MTFMT: variants seen among roughly 807,000 people sequenced by gnomAD.
MTFMT encodes the protein mitochondrial methionyl-tRNA formyltransferase, also known as methionyl-tRNA formyltransferase, mitochondrial.
MTFMT carries 47 observed loss-of-function variants against 51.8 expected under a neutral mutation model. The ratio of observed to expected loss-of-function variants is 0.91; its 90% CI spans 0.72 to 1.16. The LOEUF (loss-of-function observed/expected upper bound fraction) is 1.16. Ranked by LOEUF, MTFMT falls within the 50% of genes most tolerant of loss-of-function variation. The probability of loss-of-function intolerance (pLI) is 0.00; values close to 1 mark genes in which losing one functional copy is unlikely to be tolerated. For synonymous variants in MTFMT, 196 were observed against 176.7 expected (o/e 1.11, Z -0.87); for missense variants, 512 against 482.3 (o/e 1.06, Z -0.58).
intron 8 of MTFMT, among the ~76,000 whole-genome samples, chr15:65,003,845 C>CAACAAAAAAAAAAA (rs2086198593): frequency 2.5e-5 from 1 of 40,632 alleles, no homozygotes; most frequent in Admixed American, 4.1e-4. Context: ...AACTCCATCT[C>CAACAAAAAAAAAAA]AAAAAAAAAA....
chr15:65,006,088 A>G (rs373413541), intron 7 of MTFMT, 25 bp downstream of exon 7: 77 of 1,554,102 alleles, frequency 5.0e-5, no homozygotes, highest in Non-Finnish European at 5.1e-5. Flanking sequence ...AACAGCTTCC[A>G]TGTTAGCTAT....
chr15:65,025,230 T>TA (rs776662139), intron 2 of MTFMT, among the ~76,000 whole-genome samples: 34,413 of 92,306 alleles, frequency 0.37, 6,648 homozygotes, highest in East Asian at 0.65. Flanking sequence ...TCCCTGTCTC[T>TA]AAAAAAAAAA....
chr15:65,029,382 C>T (rs1015982235), intron 1 of MTFMT, 23 bp downstream of exon 1: 7 of 1,450,824 alleles, frequency 4.8e-6, no homozygotes, highest in Non-Finnish European at 6.4e-6. Flanking sequence ...GCGGCCGGGT[C>T]CCCGGATCCC....
intron 7 of MTFMT, among the ~76,000 whole-genome samples, chr15:65,005,378 C>T (rs1329472165): frequency 6.6e-6 from 1 of 152,174 alleles, no homozygotes. Flanking sequence ...TCCTTCTGTC[C>T]ACCGTATTGG....
At chr15:65,006,511 G>C (rs2140474477) in intron 6 of MTFMT, among the ~76,000 whole-genome samples, 1 of 151,986 alleles carries the variant, frequency 6.6e-6, no homozygotes, top group South Asian at 2.1e-4. Flanking sequence ...CGAGTAGCTG[G>C]GACTACAGGC....
At chr15:65,016,401 A>G (rs759577478) in intron 6 of MTFMT, 35 bp downstream of exon 6, 6 of 1,315,386 alleles carry the variant, frequency 4.6e-6, no homozygotes, top group East Asian at 2.4e-5. Context: ...TAGAAAACCA[A>G]CTAGGTAGAA....
At chr15:65,016,014 A>T (rs1349017928) in intron 6 of MTFMT, 1 of 153,148 alleles carries the variant, frequency 6.5e-6, no homozygotes, top group East Asian at 1.9e-4. Context: ...CCATATGTAG[A>T]AATCAATGAT....
At chr15:65,003,930 G>C (rs1022607027) in intron 8 of MTFMT, among the ~76,000 whole-genome samples, 6 of 149,936 alleles carry the variant, frequency 4.0e-5, no homozygotes, top group African/African-American at 1.5e-4. Flanking sequence ...CACTGTTCCA[G>C]AATAAGCTGG....
At chr15:65,017,073 T>C (rs1330659044) in intron 5 of MTFMT, among the ~76,000 whole-genome samples, 3 of 147,348 alleles carry the variant, frequency 2.0e-5, no homozygotes, top group Non-Finnish European at 3.0e-5. Flanking sequence ...TGAGCTACCA[T>C]GCCTAGGCAA....
intron 2 of MTFMT, 91 bp downstream of exon 2, chr15:65,026,740 G>A (rs1268273668): frequency 3.1e-6 from 3 of 974,222 alleles, no homozygotes; most frequent in Non-Finnish European, 4.6e-6. Flanking sequence ...ATTACAGAAA[G>A]CATAGAGTTC....
chr15:65,011,078 T>TAG (rs937563584), intron 6 of MTFMT, among the ~76,000 whole-genome samples: 1 of 152,116 alleles, frequency 6.6e-6, no homozygotes, highest in Admixed American at 6.5e-5. Flanking sequence ...TCCCAGCACT[T>TAG]AGGGAGGCTG....
intron 2 of MTFMT, among the ~76,000 whole-genome samples, chr15:65,024,191 T>C (rs2086401145): frequency 1.3e-5 from 2 of 152,246 alleles, no homozygotes; most frequent in South Asian, 2.1e-4. Context: ...CCAGGTGTGG[T>C]GGCGCATGCC....
intron 6 of MTFMT, 89 bp from the exon 7 acceptor site, chr15:65,006,280 T>C (rs2086218790): frequency 1.0e-6 from 1 of 994,578 alleles, no homozygotes; most frequent in South Asian, 1.4e-5. Flanking sequence ...ATCTGGACTT[T>C]TCTTTCAATT....
intron 3 of MTFMT, 54 bp downstream of exon 3, chr15:65,023,616 GCT>G (rs1418304941): frequency 1.3e-6 from 2 of 1,581,710 alleles, no homozygotes; most frequent in South Asian, 1.1e-5. Context: ...CCCCAAACAG[GCT>G]GACATCAACA....
At chr15:65,011,266 G>A (rs984532258) in intron 6 of MTFMT, among the ~76,000 whole-genome samples, 1 of 152,124 alleles carries the variant, frequency 6.6e-6, no homozygotes, top group African/African-American at 2.4e-5. Flanking sequence ...AGGTTGCAAT[G>A]AGCCAAGGTC....
At chr15:65,028,406 C>T (rs2140492483) in intron 1 of MTFMT, among the ~76,000 whole-genome samples, 1 of 152,248 alleles carries the variant, frequency 6.6e-6, no homozygotes, top group Admixed American at 6.5e-5. Context: ...CAGCGCGAGA[C>T]CTCGCCTCAG....
intron 5 of MTFMT, among the ~76,000 whole-genome samples, chr15:65,017,091 T>TA (rs68058563): frequency 1.1e-4 from 16 of 140,336 alleles, no homozygotes; most frequent in East Asian, 4.0e-4. Context: ...CAAAATAAAT[T>TA]AAAAAAAAAA....
rs398027674 is a variant in MTFMT at position 65,002,962 on chromosome 15, CAAAAA to C, written c.*95_*99del. On this transcript the variant is annotated 3_prime_UTR_variant, in exon 9 of 9. Transcript: ENST00000220058. Reference sequence around the variant, plus strand: ...TGGGTGACAGAGTGAGACTCTGTCTCAAAAAAAAAAAAAAAAAAAAAAGTCCAGAT... The same window carrying C: ...TGGGTGACAGAGTGAGACTCTGTCTCAAAAAAAAAAAAAAAAAGTCCAGAT... 210 of 325,388 alleles carry C rather than the reference CAAAAA, an allele frequency of 6.5e-4. No homozygotes were observed. The highest frequency in any genetic ancestry group is 1.2e-3 in the East Asian group (21 of 17,214). The allele number at this position is 325,388 out of a possible 1,614,324, so 20.2% of individuals were successfully genotyped here.
At chr15:65,023,282 A>G (rs1255819459) in intron 3 of MTFMT, among the ~76,000 whole-genome samples, 3 of 152,186 alleles carry the variant, frequency 2.0e-5, no homozygotes, top group African/African-American at 7.2e-5. Context: ...ATTGATATAC[A>G]ATATATTCTT....
Sources: allele counts gnomAD v4.1 joint callset (sites outside exome capture counted in the v4.1 genomes callset), GRCh38; gene constraint gnomAD v4.1.1; transcripts MANE v1.5; gene names NCBI Gene and HGNC (gene_info 2026-07-23, HGNC 2026-07-21).